Variants in KHDRBS2 observed in about 807,000 individuals in gnomAD.
KHDRBS2 encodes the protein KH RNA binding domain containing, signal transduction associated 2, also known as KH domain-containing, RNA-binding, signal transduction-associated protein 2.
In KHDRBS2, 26 loss-of-function variants were observed where a neutral mutation model predicts 44.3. The observed-to-expected ratio is 0.59, with a 90% CI of 0.43 to 0.81. The LOEUF is 0.81. KHDRBS2 is among the 40% of genes least tolerant of loss of function. KHDRBS2 has a pLI of 0.00. For missense variants in KHDRBS2, 476 were observed against 433.1 expected, an observed-to-expected ratio of 1.10 and a Z score of -0.88; for synonymous variants, 194 against 151.1, an observed-to-expected ratio of 1.28 and a Z score of -2.08.
chr6:62,177,426 T>A, intron 1 of KHDRBS2, 114 bp from the exon 2 acceptor site: 2 of 806,952 alleles, frequency 2.5e-6, no homozygotes, highest in Non-Finnish European at 3.7e-6. Flanking sequence ...TCAAATAAGA[T>A]TTTGATGAAT....
At chr6:62,134,240 C>T (rs772588839) in intron 2 of KHDRBS2, among the ~76,000 whole-genome samples, 42 of 152,098 alleles carry the variant, frequency 2.8e-4, no homozygotes, top group African/African-American at 9.2e-4. Context: ...CCTGGGTCTC[C>T]GCTGCTCTAG....
the KHDRBS2 span, among the ~76,000 whole-genome samples, chr6:61,639,764 T>C: frequency 6.6e-6 from 1 of 152,082 alleles, no homozygotes; most frequent in Non-Finnish European, 1.5e-5. Flanking sequence ...CATTATACAG[T>C]AGTTAAATAA....
the KHDRBS2 span, among the ~76,000 whole-genome samples, chr6:61,666,789 G>GA: frequency 1.3e-5 from 2 of 151,240 alleles, no homozygotes; most frequent in Non-Finnish European, 3.0e-5. Context: ...ATGGTTTTGT[G>GA]ACAAATAGGT....
intron 3 of KHDRBS2, among the ~76,000 whole-genome samples, chr6:62,017,512 A>C (rs1341428269): frequency 6.6e-6 from 1 of 152,128 alleles, no homozygotes; most frequent in African/African-American, 2.4e-5. Flanking sequence ...CTGACTCTTC[A>C]AAACTCTGAA....
At chr6:62,156,861 A>ATTG (rs1816537275) in intron 2 of KHDRBS2, among the ~76,000 whole-genome samples, 1 of 80,890 alleles carries the variant, frequency 1.2e-5, no homozygotes, top group African/African-American at 4.8e-5. Context: ...TTTTTTTTGT[A>ATTG]TTTTTAGTAG....
At chr6:62,058,757 A>G (rs1790901939) in intron 2 of KHDRBS2, among the ~76,000 whole-genome samples, 1 of 151,844 alleles carries the variant, frequency 6.6e-6, no homozygotes, top group African/African-American at 2.4e-5. Flanking sequence ...TTTGGAATTT[A>G]CAGAGGTTTC....
chr6:61,938,694 A>G (rs531194945), intron 4 of KHDRBS2, among the ~76,000 whole-genome samples: 1 of 152,254 alleles, frequency 6.6e-6, no homozygotes, highest in South Asian at 2.1e-4. Context: ...AACAAAGGAA[A>G]ACCAACAGAG....
chr6:62,089,346 G>A (rs568894856), intron 2 of KHDRBS2, among the ~76,000 whole-genome samples: 108 of 151,426 alleles, frequency 7.1e-4, no homozygotes, highest in Non-Finnish European at 1.3e-3. Flanking sequence ...GCTTGAAACC[G>A]AGGGCCCTTG....
chr6:62,275,037 A>ACT (rs903500274), intron 1 of KHDRBS2, among the ~76,000 whole-genome samples: 1 of 151,664 alleles, frequency 6.6e-6, no homozygotes, highest in Admixed American at 6.6e-5. Flanking sequence ...ACACACACAC[A>ACT]CACACATATA....
chr6:61,911,827 T>C (rs564225282), intron 4 of KHDRBS2, among the ~76,000 whole-genome samples: 1 of 152,002 alleles, frequency 6.6e-6, no homozygotes, highest in Admixed American at 6.6e-5. Context: ...TGAATGCCAC[T>C]TCACAAAAAT....
the KHDRBS2 span, chr6:61,574,322 G>C: frequency 2.0e-6 from 3 of 1,527,992 alleles, no homozygotes; most frequent in South Asian, 2.4e-5. Context: ...ATAGGGACTT[G>C]TATGAATGGC....
chr6:62,107,307 A>T (rs554757363), intron 2 of KHDRBS2, among the ~76,000 whole-genome samples: 1 of 152,296 alleles, frequency 6.6e-6, no homozygotes, highest in South Asian at 2.1e-4. Flanking sequence ...TAACAGACAA[A>T]CAGAGAGCCA....
intron 2 of KHDRBS2, among the ~76,000 whole-genome samples, chr6:62,103,366 T>C: frequency 6.6e-6 from 1 of 152,156 alleles, no homozygotes; most frequent in South Asian, 2.1e-4. Flanking sequence ...GCACCCAAAG[T>C]CCAGAGGGCA....
chr6:61,787,184 C>G (rs200776593), intron 6 of KHDRBS2, among the ~76,000 whole-genome samples: 7 of 150,624 alleles, frequency 4.6e-5, no homozygotes, highest in African/African-American at 7.3e-5. Flanking sequence ...TTATTAGATA[C>G]TTTGTTTTCA....
At chr6:62,149,668 A>G (rs932546041) in intron 2 of KHDRBS2, among the ~76,000 whole-genome samples, 1 of 152,226 alleles carries the variant, frequency 6.6e-6, no homozygotes, top group African/African-American at 2.4e-5. Context: ...ACTGATATAA[A>G]AAAAGCACTT....
At chr6:61,570,854 T>A in the KHDRBS2 span, among the ~76,000 whole-genome samples, 1 of 152,228 alleles carries the variant, frequency 6.6e-6, no homozygotes, top group South Asian at 2.1e-4. Context: ...AAAGCCTTTT[T>A]CAGACAAACA....
At chr6:62,123,771 A>G (rs1808284618) in intron 2 of KHDRBS2, among the ~76,000 whole-genome samples, 1 of 152,222 alleles carries the variant, frequency 6.6e-6, no homozygotes, top group Non-Finnish European at 1.5e-5. Flanking sequence ...TCAGGTATGG[A>G]AATCCTACAG....
chr6:62,110,702 G>A (rs1329821249), intron 2 of KHDRBS2, among the ~76,000 whole-genome samples: 1 of 151,984 alleles, frequency 6.6e-6, no homozygotes, highest in Non-Finnish European at 1.5e-5. Context: ...CAGTGTCCTG[G>A]GGACTAGGTC....
intron 6 of KHDRBS2, among the ~76,000 whole-genome samples, chr6:61,894,118 C>T (rs550610186): frequency 9.9e-5 from 15 of 152,206 alleles, no homozygotes; most frequent in South Asian, 4.1e-4. Context: ...CTTGGAAACA[C>T]TGCATTTTGT....
Sources: allele counts gnomAD v4.1 joint callset (sites outside exome capture counted in the v4.1 genomes callset), GRCh38; gene constraint gnomAD v4.1.1; transcripts MANE v1.5; gene names NCBI Gene and HGNC (gene_info 2026-07-23, HGNC 2026-07-21).